Variants in CLNK observed in about 807,000 individuals in gnomAD.
The protein encoded by CLNK is cytokine-dependent hematopoietic cell linker.
Under a neutral mutation model 68.6 loss-of-function variants are expected in CLNK, and 74 were observed. The observed-to-expected ratio is 1.08, with a 90% confidence interval of 0.89 to 1.31. CLNK has a LOEUF of 1.31. CLNK is among the 50% of genes most tolerant of loss of function. CLNK has a pLI of 0.00. For missense variants in CLNK, 553 were observed against 515.3 expected (o/e 1.07, Z -0.71); for synonymous variants, 198 against 172.2 (o/e 1.15, Z -1.17).
chr4:10,690,180 G>A, the CLNK span, among the ~76,000 whole-genome samples: 10 of 152,058 alleles, frequency 6.6e-5, no homozygotes, highest in Admixed American at 2.6e-4. Flanking sequence ...GGTCAAGTCC[G>A]GGAACTATGT....
intron 14 of CLNK, chr4:10,524,083 G>GAGA (rs1560200727): frequency 1.4e-5 from 2 of 141,828 alleles, no homozygotes; most frequent in South Asian, 7.6e-5. Flanking sequence ...AGAAAGAAAA[G>GAGA]AGAAGAGGAG....
chr4:10,498,883 C>T (rs759090839), intron 18 of CLNK, among the ~76,000 whole-genome samples: 16 of 152,086 alleles, frequency 1.1e-4, no homozygotes, highest in East Asian at 1.9e-4. Flanking sequence ...ACAGTGTTCC[C>T]GGGCTGTAGC....
chr4:10,577,655 G>A (rs1319660839), intron 4 of CLNK, among the ~76,000 whole-genome samples: 1 of 151,934 alleles, frequency 6.6e-6, no homozygotes, highest in Non-Finnish European at 1.5e-5. Context: ...CACGATTTCA[G>A]GCTGTAAGAT....
chr4:10,721,245 GA>G, the CLNK span, among the ~76,000 whole-genome samples: 1 of 152,262 alleles, frequency 6.6e-6, no homozygotes, highest in East Asian at 1.9e-4. Context: ...GGTGATGATG[GA>G]AAAGTTCTGT....
intron 2 of CLNK, among the ~76,000 whole-genome samples, chr4:10,644,117 C>G (rs1033217917): frequency 2.0e-5 from 3 of 152,148 alleles, no homozygotes; most frequent in Non-Finnish European, 4.4e-5. Context: ...AGGGGCGGAG[C>G]CTCGTGGGAA....
intron 3 of CLNK, among the ~76,000 whole-genome samples, chr4:10,594,276 C>G (rs1456562607): frequency 1.3e-5 from 2 of 152,288 alleles, no homozygotes; most frequent in Middle Eastern, 3.4e-3. Flanking sequence ...TCTCCAATCT[C>G]CCCCCATCCT....
At chr4:10,651,557 C>A (rs1380882168) in intron 2 of CLNK, among the ~76,000 whole-genome samples, 2 of 152,032 alleles carry the variant, frequency 1.3e-5, no homozygotes, top group Non-Finnish European at 2.9e-5. Context: ...TTTATGATTT[C>A]CTTTGCCAGT....
At chr4:10,583,136 C>CT (rs1243031357) in intron 4 of CLNK, among the ~76,000 whole-genome samples, 2 of 152,172 alleles carry the variant, frequency 1.3e-5, no homozygotes, top group African/African-American at 4.8e-5. Context: ...CACGCACAGT[C>CT]TTTTTTGTAA....
chr4:10,592,552 C>T (rs1003195766), intron 3 of CLNK, among the ~76,000 whole-genome samples: 2 of 151,562 alleles, frequency 1.3e-5, no homozygotes, highest in East Asian at 1.9e-4. Context: ...CTAGTAAGTG[C>T]CAGGCATCAT....
At chr4:10,524,358 G>A (rs774236197) in intron 14 of CLNK, among the ~76,000 whole-genome samples, 13 of 152,112 alleles carry the variant, frequency 8.5e-5, no homozygotes, top group Non-Finnish European at 1.0e-4. Flanking sequence ...GTGAATGTTC[G>A]TTGGGCTCTT....
intron 14 of CLNK, among the ~76,000 whole-genome samples, chr4:10,522,165 G>A (rs1262479080): frequency 6.6e-6 from 1 of 151,592 alleles, no homozygotes; most frequent in Non-Finnish European, 1.5e-5. Context: ...GGCTGAGGCA[G>A]GAGAATGGTG....
At chr4:10,621,855 C>A (rs1055588402) in intron 2 of CLNK, among the ~76,000 whole-genome samples, 1 of 152,126 alleles carries the variant, frequency 6.6e-6, no homozygotes, top group Admixed American at 6.5e-5. Context: ...AAGAGATGAA[C>A]AATTCTAAGG....
intron 18 of CLNK, among the ~76,000 whole-genome samples, chr4:10,495,690 G>A (rs1028810095): frequency 1.3e-5 from 2 of 152,140 alleles, no homozygotes; most frequent in Non-Finnish European, 2.9e-5. Flanking sequence ...GTGCTTATCC[G>A]AGGTTATCCC....
intron 2 of CLNK, among the ~76,000 whole-genome samples, chr4:10,629,661 C>T (rs543348552): frequency 7.2e-5 from 11 of 152,130 alleles, no homozygotes; most frequent in African/African-American, 2.7e-4. Context: ...TGAGGTCAGC[C>T]CCAAAACCAG....
chr4:10,520,088 C>T (rs1032905150), intron 15 of CLNK, among the ~76,000 whole-genome samples: 2 of 151,168 alleles, frequency 1.3e-5, no homozygotes, highest in Non-Finnish European at 2.9e-5. Flanking sequence ...TGCTAGATGT[C>T]AACACAGAAT....
chr4:10,596,244 C>T (rs1035855506), intron 3 of CLNK, among the ~76,000 whole-genome samples: 8 of 152,094 alleles, frequency 5.3e-5, no homozygotes, highest in Non-Finnish European at 8.8e-5. Flanking sequence ...AGGGTGGTCT[C>T]GAACTCCTGA....
chr4:10,542,267 T>G lies in CLNK; in HGVS notation c.459A>C (p.Val153=). 1 of 1,535,424 alleles carries G rather than the reference T, an allele frequency of 6.5e-7. No homozygotes were observed. The highest frequency in any genetic ancestry group is 8.9e-7 in the Non-Finnish European group (1 of 1,123,960). ...RSQNIKGDAS[V]RKNKIPLPPP... is the part of the protein sequence containing the mutation. ...TGATTTCTCTTACCTTGTTCTTTCT[T>G]ACGGATGCATCTCCTAAAACATAAG... The change falls in exon 9 of 19, where the codon GTA becomes GTC. Residue 153 remains valine (V), a synonymous_variant. Transcript: ENST00000226951.
the CLNK span, among the ~76,000 whole-genome samples, chr4:10,723,919 A>AGAGAGAGAGACAGAGAGAGAGAGATCG: frequency 8.8e-5 from 13 of 148,102 alleles, no homozygotes; most frequent in Admixed American, 1.3e-4. Flanking sequence ...AGAGAGAGAG[A>AGAGAGAGAGACAGAGAGAGAGAGATCG]AGGCAGGGCA....
At chr4:10,677,625 T>G in intron 1 of CLNK, among the ~76,000 whole-genome samples, 1 of 152,020 alleles carries the variant, frequency 6.6e-6, no homozygotes, top group Middle Eastern at 3.2e-3. Context: ...TCTGATGGTT[T>G]TATAAGGCAG....
Sources: gnomAD v4.1 joint callset for allele counts (sites outside exome capture counted in the v4.1 genomes callset) on GRCh38, gnomAD v4.1.1 for gene constraint, MANE v1.5 for transcripts, NCBI Gene and HGNC (gene_info 2026-07-23, HGNC 2026-07-21) for gene names.